FHIP2A: variants seen among roughly 807,000 people sequenced by gnomAD.
The protein encoded by FHIP2A is family with sequence similarity 160 member B1.
FHIP2A carries 46 observed loss-of-function variants against 93.5 expected under a neutral mutation model. The ratio of observed to expected loss-of-function variants is 0.49; its 90% CI spans 0.39 to 0.63. The LOEUF (loss-of-function observed/expected upper bound fraction) is 0.63, where lower values mean the gene tolerates loss of function less well. FHIP2A is among the 20% of genes least tolerant of loss of function. The pLI, the probability that FHIP2A is intolerant of heterozygous loss-of-function variation, is 0.00. For missense variants in FHIP2A, 769 were observed against 909.7 expected, an observed-to-expected ratio of 0.85 and a Z score of 1.99; for synonymous variants, 332 against 326.5, an observed-to-expected ratio of 1.02 and a Z score of -0.18.
chr10:114,875,082 C>T (rs768742874), intron 16 of FHIP2A, among the ~76,000 whole-genome samples: 7 of 152,158 alleles, frequency 4.6e-5, no homozygotes, highest in Non-Finnish European at 7.3e-5. Context: ...AAACATGAGG[C>T]GCCGCTAAGT....
intron 13 of FHIP2A, among the ~76,000 whole-genome samples, chr10:114,849,794 C>T (rs1000223351): frequency 1.2e-4 from 19 of 152,178 alleles, no homozygotes; most frequent in Non-Finnish European, 2.2e-4. Flanking sequence ...AACCCCCAGC[C>T]CTGGCAGCCG....
At chr10:114,886,996 A>G (rs1020399609) in intron 16 of FHIP2A, among the ~76,000 whole-genome samples, 3 of 152,186 alleles carry the variant, frequency 2.0e-5, no homozygotes, top group African/African-American at 7.2e-5. Flanking sequence ...TTACACACCT[A>G]GTAATGGGGA....
At chr10:114,840,867 A>G (rs1198926812) in intron 5 of FHIP2A, among the ~76,000 whole-genome samples, 1 of 152,262 alleles carries the variant, frequency 6.6e-6, no homozygotes, top group East Asian at 1.9e-4. Flanking sequence ...GGTATTGCAA[A>G]TCTTTGATTT....
chr10:114,849,629 T>A (rs2083722833), intron 13 of FHIP2A, among the ~76,000 whole-genome samples: 1 of 152,250 alleles, frequency 6.6e-6, no homozygotes, highest in South Asian at 2.1e-4. Flanking sequence ...ATTCAACGTT[T>A]TAACTATTTT....
chr10:114,892,132 A>AG (rs1471370718), intron 16 of FHIP2A, among the ~76,000 whole-genome samples: 3 of 152,172 alleles, frequency 2.0e-5, no homozygotes, highest in African/African-American at 7.2e-5. Flanking sequence ...GGCAAAGAAC[A>AG]GAAAAAATAT....
downstream of FHIP2A, chr10:114,864,773 C>CA: frequency 2.2e-6 from 2 of 921,712 alleles, no homozygotes; most frequent in Non-Finnish European, 2.6e-6. Flanking sequence ...TGATAAATCT[C>CA]AAACAATTTT....
At chr10:114,822,610 A>G (rs560118094) in intron 1 of FHIP2A, among the ~76,000 whole-genome samples, 4 of 152,300 alleles carry the variant, frequency 2.6e-5, no homozygotes, top group African/African-American at 9.6e-5. Flanking sequence ...TTTCGGGGGT[A>G]GAGGTGGGAG....
chr10:114,850,372 T>G (rs1315922514), intron 13 of FHIP2A, among the ~76,000 whole-genome samples: 2 of 152,204 alleles, frequency 1.3e-5, no homozygotes, highest in Non-Finnish European at 2.9e-5. Context: ...TGAGTACCTT[T>G]TCATATGCTT....
chr10:114,888,660 T>C (rs2083954940), intron 16 of FHIP2A, among the ~76,000 whole-genome samples: 1 of 152,134 alleles, frequency 6.6e-6, no homozygotes, highest in African/African-American at 2.4e-5. Context: ...TGGAGTGCAA[T>C]GGTGCGATCT....
At chr10:114,885,895 T>A (rs1206399968) in intron 16 of FHIP2A, among the ~76,000 whole-genome samples, 2 of 152,190 alleles carry the variant, frequency 1.3e-5, no homozygotes, top group African/African-American at 4.8e-5. Flanking sequence ...TGTCAGGGCT[T>A]TGTTTACCCT....
chr10:114,852,358 G>A (rs1401515207), intron 13 of FHIP2A, among the ~76,000 whole-genome samples: 1 of 152,160 alleles, frequency 6.6e-6, no homozygotes, highest in South Asian at 2.1e-4. Context: ...TAAGACCTCA[G>A]ACTTTATCTT....
In FHIP2A at chr10:114,860,904, C is replaced by T. The variant is rs374499648; in HGVS notation, c.2088+15C>T. On this transcript the variant is annotated intron_variant, in intron 15 of 16. Coordinates refer to ENST00000369248, the MANE Select transcript of FHIP2A (RefSeq NM_020940.4). Reference sequence around the variant, plus strand: ...TAATTGTCAGGGTGAGTTACTAGTTCTGTTATATTCCCTAGGATTGATAAA... The same window carrying T: ...TAATTGTCAGGGTGAGTTACTAGTTTTGTTATATTCCCTAGGATTGATAAA... 1 of 1,607,084 alleles carries T rather than the reference C, an allele frequency of 6.2e-7. No homozygotes were observed. Among genetic ancestry groups the T allele is most frequent in the Admixed American group, 1.7e-5 (1 of 60,004 alleles).
At chr10:114,830,717 AT>A in intron 1 of FHIP2A, 134 bp from the exon 2 acceptor site, 1 of 477,546 alleles carries the variant, frequency 2.1e-6, no homozygotes, top group South Asian at 5.4e-5. Flanking sequence ...TCTCTTTAAT[AT>A]CTGACATATA....
rs144257722 is a variant in FHIP2A at position 114,848,734 on chromosome 10, G to A, written c.1800G>A (p.Arg600=). The A allele has an allele frequency of 6.4e-4, 1,030 of 1,606,668 alleles. No individual in the cohort carries two copies. The highest frequency in any genetic ancestry group is 8.3e-4 in the Non-Finnish European group (975 of 1,173,984). Residue 600 remains arginine, a synonymous_variant, in exon 13 of 17, where the codon AGG becomes AGA. Coordinates refer to ENST00000369248, the MANE Select transcript of FHIP2A (RefSeq NM_020940.4). ...ACACTTACCTCCGAGACGCTCATAGGCAGGTAGGTGAAGTCACTAAATGTT... is the reference window on the plus strand; with the variant it reads ...ACACTTACCTCCGAGACGCTCATAGACAGGTAGGTGAAGTCACTAAATGTT... ...GYDTYLRDAH[R]QFRDYCAICL...
intron 16 of FHIP2A, among the ~76,000 whole-genome samples, chr10:114,880,322 T>C (rs2083910575): frequency 6.6e-6 from 1 of 152,210 alleles, no homozygotes; most frequent in Non-Finnish European, 1.5e-5. Context: ...TTAAAAGCCA[T>C]TGAACCATAC....
chr10:114,847,321 C>T (rs1335383049), intron 12 of FHIP2A, 88 bp downstream of exon 12: 1 of 1,239,480 alleles, frequency 8.1e-7, no homozygotes, highest in Non-Finnish European at 1.1e-6. Context: ...TGGAGTCTTG[C>T]TCTGTTGCCC....
intron 16 of FHIP2A, among the ~76,000 whole-genome samples, chr10:114,873,492 G>A (rs547176421): frequency 1.5e-4 from 23 of 152,196 alleles, no homozygotes; most frequent in African/African-American, 5.1e-4. Context: ...CAAAGTCACC[G>A]TAGATAGCTC....
intron 7 of FHIP2A, among the ~76,000 whole-genome samples, chr10:114,844,549 T>C (rs1054942771): frequency 6.6e-6 from 1 of 152,218 alleles, no homozygotes; most frequent in Non-Finnish European, 1.5e-5. Flanking sequence ...CTATTTTCTG[T>C]CAACATCTAT....
intron 7 of FHIP2A, 89 bp downstream of exon 7, chr10:114,844,026 C>T: frequency 8.8e-7 from 1 of 1,130,866 alleles, no homozygotes; most frequent in Non-Finnish European, 1.2e-6. Flanking sequence ...TGGTAGAAGT[C>T]TTTGAAAAAT....
Sources: gnomAD v4.1 joint callset for allele counts (sites outside exome capture counted in the v4.1 genomes callset) on GRCh38, gnomAD v4.1.1 for gene constraint, MANE v1.5 for transcripts, NCBI Gene and HGNC (gene_info 2026-07-23, HGNC 2026-07-21) for gene names.